ANKS1A: variants seen among roughly 807,000 people sequenced by gnomAD.
ANKS1A encodes the protein ankyrin repeat and SAM domain-containing protein 1A.
A neutral mutation model predicts 120.3 loss-of-function variants in ANKS1A; 55 were observed. That is an observed-to-expected ratio of 0.46 (90% CI 0.37 to 0.57). ANKS1A has a LOEUF of 0.57. Ranked by LOEUF, ANKS1A falls within the 20% of genes least tolerant of loss-of-function variation. The probability of loss-of-function intolerance (pLI) is 0.00; values close to 1 mark genes in which losing one functional copy is unlikely to be tolerated. For missense variants in ANKS1A, 1,123 were observed against 1,480.3 expected (o/e 0.76, Z 3.96); for synonymous variants, 590 against 604.7 (o/e 0.98, Z 0.36).
chr6:34,901,127 C>T (rs949875954), intron 1 of ANKS1A, among the ~76,000 whole-genome samples: 3 of 151,946 alleles, frequency 2.0e-5, no homozygotes, highest in Admixed American at 2.0e-4. Context: ...CTGCCAGATG[C>T]ACTACCAGGG....
the ANKS1A span, among the ~76,000 whole-genome samples, chr6:35,096,888 C>T: frequency 7.3e-6 from 1 of 136,680 alleles, no homozygotes; most frequent in Middle Eastern, 3.8e-3. Flanking sequence ...GGTCATTAGT[C>T]AAACCCTCTA....
intron 11 of ANKS1A, among the ~76,000 whole-genome samples, chr6:35,042,949 C>G (rs780347421): frequency 3.9e-5 from 6 of 152,208 alleles, no homozygotes; most frequent in Non-Finnish European, 7.3e-5. Flanking sequence ...TGGGGCAGGG[C>G]TCACATTGGT....
Position 35,082,871 on chromosome 6 carries a change from G to T in ANKS1A, c.2835+55G>T. 1.3e-6 allele frequency: 2 copies of T among 1,576,050 alleles called. No individual in the cohort carries two copies. Among genetic ancestry groups the T allele is most frequent in the Non-Finnish European group, 1.7e-6 (2 of 1,161,946 alleles). On this transcript the variant is annotated intron_variant, in intron 18 of 23. Transcript: ENST00000360359. The surrounding 1 kb of genome is among the most constrained non-coding windows in gnomAD (Gnocchi z 4.1). ...CGGCCTCCCTGCTCCTTCTCGGCCAGGCACCTGCGGCCAAGTCCCAGCAGG... is the reference window on the plus strand; with the variant it reads ...CGGCCTCCCTGCTCCTTCTCGGCCATGCACCTGCGGCCAAGTCCCAGCAGG...
In ANKS1A at chr6:34,959,628, A is replaced by G. The variant is rs180946505; in HGVS notation, c.198-7611A>G. Among the ~76,000 whole-genome samples the G allele has an allele frequency of 1.5e-4, 23 of 152,322 alleles. No individual in the cohort carries two copies. The East Asian group carries it at 4.0e-3, about 27-fold the overall frequency. ...ATAGCAGCCAGTGCAATCAGGAAAG[A>G]TGTGGAGGATCAGGGGACATTTGAG... is the stretch of plus-strand genomic sequence containing the variant. On this transcript the variant is annotated intron_variant, in intron 1 of 23. Coordinates refer to ENST00000360359, the MANE Select transcript of ANKS1A (RefSeq NM_015245.3).
At chr6:34,967,569 A>G (rs1016023197) in intron 2 of ANKS1A, among the ~76,000 whole-genome samples, 1 of 151,846 alleles carries the variant, frequency 6.6e-6, no homozygotes, top group East Asian at 1.9e-4. Context: ...GCGTGGTAGC[A>G]TGCCTGAAGT....
At chr6:34,997,966 G>A (rs1292150853) in intron 10 of ANKS1A, among the ~76,000 whole-genome samples, 6 of 152,194 alleles carry the variant, frequency 3.9e-5, no homozygotes, top group Non-Finnish European at 8.8e-5. Flanking sequence ...GAGAGTGGGT[G>A]GTATAGAAGC....
Position 35,082,590 on chromosome 6 carries a change from G to C in ANKS1A, c.2710-101G>C. 2.7e-6 allele frequency: 4 copies of C among 1,455,158 alleles called. No individual in the cohort carries two copies. The highest frequency in any genetic ancestry group is 3.7e-6 in the Non-Finnish European group (4 of 1,094,862). The allele number at this position is 1,455,158 out of a possible 1,614,324, so 90.1% of individuals were successfully genotyped here. ...TCCACTCGACCCTTGAACTTGCTAA[G>C]GTCACTGGCATCTTCACCCTTGAGT... On this transcript the variant is annotated intron_variant, in intron 17 of 23. Coordinates refer to ENST00000360359, the MANE Select transcript of ANKS1A (RefSeq NM_015245.3). This position sits in a 1 kb window ranked among gnomAD's most constrained non-coding sequence, Gnocchi z 4.1.
At chr6:34,975,760 A>AT (rs1771540107) in intron 3 of ANKS1A, among the ~76,000 whole-genome samples, 3 of 152,044 alleles carry the variant, frequency 2.0e-5, no homozygotes, top group Admixed American at 6.6e-5. Flanking sequence ...TCTCAAAAAA[A>AT]AAATAATAAT....
chr6:34,922,183 G>C (rs1313598465), intron 1 of ANKS1A, among the ~76,000 whole-genome samples: 2 of 152,054 alleles, frequency 1.3e-5, no homozygotes, highest in African/African-American at 4.8e-5. Context: ...AAAGTTGCTT[G>C]TTCACTTATT....
intron 1 of ANKS1A, among the ~76,000 whole-genome samples, chr6:34,940,610 C>CA (rs1355183390): frequency 7.2e-5 from 11 of 152,096 alleles, no homozygotes; most frequent in African/African-American, 2.7e-4. Flanking sequence ...TTTTCTAAGA[C>CA]AAAAGTATTA....
intron 10 of ANKS1A, among the ~76,000 whole-genome samples, chr6:35,002,445 C>T (rs1484334130): frequency 6.6e-6 from 1 of 152,182 alleles, no homozygotes; most frequent in Non-Finnish European, 1.5e-5. Context: ...ACAGTAAGGA[C>T]TTCAACTGAC....
At chr6:35,043,052 C>T (rs1334459416) in intron 11 of ANKS1A, among the ~76,000 whole-genome samples, 3 of 149,458 alleles carry the variant, frequency 2.0e-5, no homozygotes, top group Non-Finnish European at 4.4e-5. Flanking sequence ...CTGCTTTTGC[C>T]TTCGTGCCTT....
intron 11 of ANKS1A, among the ~76,000 whole-genome samples, chr6:35,040,073 G>GT (rs1775379084): frequency 6.6e-6 from 1 of 152,176 alleles, no homozygotes; most frequent in African/African-American, 2.4e-5. Context: ...TACCTTCATA[G>GT]TGGGGGTGAG....
intron 1 of ANKS1A, among the ~76,000 whole-genome samples, chr6:34,893,286 C>T (rs562020605): frequency 6.6e-6 from 1 of 152,260 alleles, no homozygotes; most frequent in African/African-American, 2.4e-5. Flanking sequence ...GTGCAAAGTA[C>T]CATGCCAGAC....
chr6:34,904,999 CAG>C (rs1196354263), intron 1 of ANKS1A, among the ~76,000 whole-genome samples: 4 of 152,132 alleles, frequency 2.6e-5, no homozygotes, highest in Non-Finnish European at 4.4e-5. Flanking sequence ...TTAATAGACA[CAG>C]GGTTTCGCCA....
At chr6:34,985,412 C>T (rs1441813689) in intron 8 of ANKS1A, 134 bp downstream of exon 8, 2 of 803,216 alleles carry the variant, frequency 2.5e-6, no homozygotes, top group African/African-American at 1.7e-5. Flanking sequence ...CACTTATTCT[C>T]TTCTTCATGG....
At chr6:34,909,349 C>T (rs574282487) in intron 1 of ANKS1A, among the ~76,000 whole-genome samples, 2 of 152,212 alleles carry the variant, frequency 1.3e-5, no homozygotes, top group South Asian at 2.1e-4. Context: ...TTTTCCATTG[C>T]GCCATGCTCT....
chr6:35,009,118 G>A lies in ANKS1A; in HGVS notation c.1424-8355G>A, dbSNP rs115295945. On this transcript the variant is annotated intron_variant, in intron 10 of 23. Transcript: ENST00000360359. ...AATCCGGCGACAGGACAGGAGCCAC[G>A]CTTCACAAATATACAATTGTGGACT... is the stretch of plus-strand genomic sequence containing the variant. Among the ~76,000 whole-genome samples the A allele has an allele frequency of 4.8e-3, 724 of 152,270 alleles. 7 individuals carry two copies. The highest frequency in any genetic ancestry group is 0.012 in the African/African-American group (482 of 41,562).
Position 35,085,894 on chromosome 6 carries a change from C to T in ANKS1A, c.3261C>T (p.Ser1087=). The change falls in exon 22 of 24, where the codon TCC becomes TCT. Residue 1087 remains serine (S), a synonymous_variant. Coordinates refer to ENST00000360359, the MANE Select transcript of ANKS1A (RefSeq NM_015245.3). This position sits in a 1 kb window ranked among gnomAD's most constrained non-coding sequence, Gnocchi z 4.7. ...CTGAGATGATTGAAACAAAATCTTCCAAACCGGTGCCTAAGCCTCGGGTCG... is the reference window on the plus strand; with the variant it reads ...CTGAGATGATTGAAACAAAATCTTCTAAACCGGTGCCTAAGCCTCGGGTCG... ...SAAEMIETKS[S]KPVPKPRVGV... is the part of the protein sequence containing the mutation. The T allele has an allele frequency of 6.2e-7, 1 of 1,613,184 alleles. No homozygotes were observed. The highest frequency in any genetic ancestry group is 1.1e-5 in the South Asian group (1 of 91,006).
Sources: gnomAD v4.1 joint callset for allele counts (sites outside exome capture counted in the v4.1 genomes callset) on GRCh38, gnomAD v4.1.1 for gene constraint, Gnocchi (gnomAD v3.1) non-coding constraint, MANE v1.5 for transcripts, NCBI Gene and HGNC (gene_info 2026-07-23, HGNC 2026-07-21) for gene names.